Variants in EMID1 observed in about 807,000 individuals in gnomAD.
EMID1 encodes the protein EMI domain containing 1, also known as EMI domain-containing protein 1.
EMID1 carries 40 observed loss-of-function variants against 60.6 expected under a neutral mutation model. The observed-to-expected ratio is 0.66, with a 90% CI of 0.51 to 0.86. The LOEUF (loss-of-function observed/expected upper bound fraction) is 0.86. Ranked by LOEUF, EMID1 falls within the 40% of genes least tolerant of loss-of-function variation. The pLI, the probability that EMID1 is intolerant of heterozygous loss-of-function variation, is 0.00. For missense variants in EMID1, 585 were observed against 597.1 expected, an observed-to-expected ratio of 0.98 and a Z score of 0.21; for synonymous variants, 242 against 231.0, an observed-to-expected ratio of 1.05 and a Z score of -0.43.
chr22:29,249,935 T>C (rs2041465522), intron 13 of EMID1, among the ~76,000 whole-genome samples: 1 of 152,204 alleles, frequency 6.6e-6, no homozygotes, highest in Non-Finnish European at 1.5e-5. Context: ...CTTTTAAAGC[T>C]CTTTTTTTCC....
chr22:29,207,301 C>G (rs1261860744), intron 1 of EMID1, among the ~76,000 whole-genome samples: 1 of 152,218 alleles, frequency 6.6e-6, no homozygotes, highest in African/African-American at 2.4e-5. Flanking sequence ...TGTGTGCAGA[C>G]AACAGTTAGC....
At chr22:29,257,992 CG>C (rs1457348833) in intron 14 of EMID1, among the ~76,000 whole-genome samples, 3 of 152,172 alleles carry the variant, frequency 2.0e-5, no homozygotes, top group African/African-American at 7.2e-5. Flanking sequence ...CACACAGGGT[CG>C]GGGCACTGGC....
intron 13 of EMID1, chr22:29,253,843 G>A: frequency 1.1e-6 from 1 of 931,676 alleles, no homozygotes. Flanking sequence ...ACTGGTGCTG[G>A]GCGACAGACA....
intron 3 of EMID1, among the ~76,000 whole-genome samples, chr22:29,218,352 C>A (rs142499938): frequency 6.6e-6 from 1 of 152,338 alleles, no homozygotes; most frequent in Non-Finnish European, 1.5e-5. Flanking sequence ...TGGGGATGTT[C>A]ACTTTGTGAC....
intron 8 of EMID1, 57 bp downstream of exon 8, chr22:29,232,459 A>G (rs2040788276): frequency 2.7e-6 from 4 of 1,471,604 alleles, no homozygotes; most frequent in Non-Finnish European, 3.6e-6. Context: ...CCATCAGCAC[A>G]GTGCCCGCTA....
intron 1 of EMID1, among the ~76,000 whole-genome samples, chr22:29,207,256 G>A (rs1396387343): frequency 6.6e-6 from 1 of 152,234 alleles, no homozygotes; most frequent in Non-Finnish European, 1.5e-5. Context: ...TGAGACAGGG[G>A]TGGACGTGTG....
At chr22:29,213,560 G>A (rs932426283) in intron 1 of EMID1, among the ~76,000 whole-genome samples, 3 of 152,174 alleles carry the variant, frequency 2.0e-5, no homozygotes, top group African/African-American at 7.2e-5. Context: ...GTGGTCTGGG[G>A]TGGGGGCAGG....
chr22:29,215,625 A>G lies in EMID1; in HGVS notation c.314A>G (p.Glu105Gly). 1 of 1,613,952 alleles carries G rather than the reference A, an allele frequency of 6.2e-7. No individual in the cohort carries two copies. The highest frequency in any genetic ancestry group is 8.5e-7 in the Non-Finnish European group (1 of 1,179,894). The change falls in exon 3 of 15, where the codon GAG (glutamate) becomes GGG (glycine). Residue 105 changes from glutamate to glycine, a missense_variant. Coordinates refer to ENST00000334018, the MANE Select transcript of EMID1 (RefSeq NM_133455.4). ...CCPGHSGVSC[E>G]EVAASSASLE... The stretch of plus-strand genomic sequence containing the variant: ...CCTGGGCACTCAGGAGTGAGCTGCG[A>G]GGAAGGTAGGACTGCCCGGCCGGCT...
intron 3 of EMID1, among the ~76,000 whole-genome samples, chr22:29,224,823 C>G (rs971821220): frequency 4.8e-4 from 73 of 152,330 alleles, no homozygotes; most frequent in African/African-American, 1.6e-3. Context: ...TGTCAGGGCT[C>G]GGACCCAGGC....
At position 29,225,145 on chromosome 22, in the gene EMID1, C is replaced by G. The variant is rs1169615903; in HGVS notation, c.332C>G (p.Ser111Cys). The change falls in exon 4 of 15, where the codon TCT (serine) becomes TGT (cysteine). Residue 111 changes from serine (S) to cysteine (C), a missense_variant. By Grantham distance (112) the Ser-to-Cys change is moderately radical (BLOSUM62 -1). Coordinates refer to ENST00000334018, the MANE Select transcript of EMID1 (RefSeq NM_133455.4). ...CTCCATCCCTTAGTTGCAGCTTCCT[C>G]TGCCTCCTTGGAGCCCATGTGGTCG... is the stretch of plus-strand genomic sequence containing the variant. ...GVSCEEVAAS[S>C]ASLEPMWSGS... The G allele has an allele frequency of 6.2e-7, 1 of 1,613,858 alleles. No individual in the cohort carries two copies. Among genetic ancestry groups the G allele is most frequent in the East Asian group, 2.2e-5 (1 of 44,900 alleles).
chr22:29,206,447 C>T (rs1401362569), intron 1 of EMID1, among the ~76,000 whole-genome samples: 2 of 152,246 alleles, frequency 1.3e-5, no homozygotes, highest in Non-Finnish European at 2.9e-5. Context: ...CCTCCCCCTG[C>T]ACTTGGGAAA....
chr22:29,248,678 T>C (rs1003070923), intron 13 of EMID1, among the ~76,000 whole-genome samples: 2 of 152,004 alleles, frequency 1.3e-5, no homozygotes, highest in East Asian at 1.9e-4. Context: ...ACCTTGTCTG[T>C]ACAAATAAAA....
chr22:29,240,865 T>C (rs897262880), intron 12 of EMID1, among the ~76,000 whole-genome samples: 2 of 152,214 alleles, frequency 1.3e-5, no homozygotes, highest in Non-Finnish European at 2.9e-5. Flanking sequence ...CCTTTGACTC[T>C]GTCAGACTTT....
chr22:29,258,705 A>C, intron 14 of EMID1, 112 bp from the exon 15 acceptor site: 3 of 1,465,648 alleles, frequency 2.0e-6, no homozygotes, highest in Non-Finnish European at 2.7e-6. Flanking sequence ...ACCAGGGTGG[A>C]TTATACCTGG....
Position 29,232,372 on chromosome 22 carries a change from G to T in EMID1, c.793G>T (p.Gly265Trp). Residue 265 changes from glycine to tryptophan, a missense_variant, in exon 8 of 15, where the codon GGG (glycine) becomes TGG (tryptophan). Transcript: ENST00000334018. Reference sequence around the variant, plus strand: ...CCCCCCTGGGCCCCCAGCCCCTGTTGGGCCACCCCATGCCCGGATCTCCCA... The same window carrying T: ...CCCCCCTGGGCCCCCAGCCCCTGTTTGGCCACCCCATGCCCGGATCTCCCA... ...PGPPGPPAPV[G>W]PPHARISQHG... 1 of 1,598,728 alleles carries T rather than the reference G, an allele frequency of 6.3e-7. No individual in the cohort carries two copies. Among genetic ancestry groups the T allele is most frequent in the East Asian group, 2.2e-5 (1 of 44,554 alleles).
rs529998499 is a variant in EMID1, at chr22:29,254,272, A to G, written c.1189A>G (p.Met397Val). ...TGAGAGGGTTTTAATCTTGGAAACA[A>G]TGATTGGGCTCTATGGTGAGTAGAG... ...LAERVLILET[M>V]IGLYEPELGS... is the part of the protein sequence containing the mutation. The change falls in exon 14 of 15, where the codon ATG (methionine) becomes GTG (valine). Residue 397 changes from methionine to valine, a missense_variant. Transcript: ENST00000334018. The G allele has an allele frequency of 1.2e-6, 2 of 1,614,112 alleles. No homozygotes were observed. Among genetic ancestry groups the G allele is most frequent in the Admixed American group, 3.3e-5 (2 of 60,024 alleles).
In EMID1 at chr22:29,232,094, G is replaced by T. The variant is rs1200839770; in HGVS notation, c.677-162G>T. 9.8e-6 allele frequency: 7 copies of T among 716,514 alleles called. No homozygotes were observed. The African/African-American group carries it at 1.2e-4, about 13-fold the overall frequency. The allele number at this position is 716,514 out of a possible 1,614,324, so 44.4% of individuals were successfully genotyped here. A position where few individuals can be genotyped will look rare whatever the true frequency, so the allele number is the denominator to read the frequency against. On this transcript the variant is annotated intron_variant, in intron 7 of 14. Transcript: ENST00000334018. Reference sequence around the variant, plus strand: ...GCCTGGACGAGGTGGAGAACTAGGTGCTGTGCTCATCCCCCTGTTAGACTA... The same window carrying T: ...GCCTGGACGAGGTGGAGAACTAGGTTCTGTGCTCATCCCCCTGTTAGACTA...
At chr22:29,253,903 CT>C in intron 13 of EMID1, 1 of 985,472 alleles carries the variant, frequency 1.0e-6, no homozygotes, top group Non-Finnish European at 1.2e-6. Context: ...CGTTCTGCCC[CT>C]GAAGATTGGC....
intron 3 of EMID1, chr22:29,216,711 G>C (rs887986752): frequency 5.2e-6 from 5 of 962,308 alleles, no homozygotes; most frequent in Non-Finnish European, 6.2e-6. Flanking sequence ...GGTGACTGAG[G>C]CCCAGTGAGG....
Sources: allele counts gnomAD v4.1 joint callset (sites outside exome capture counted in the v4.1 genomes callset), GRCh38; gene constraint gnomAD v4.1.1; transcripts MANE v1.5; gene names NCBI Gene and HGNC (gene_info 2026-07-23, HGNC 2026-07-21).